TTC7B: variants seen among roughly 807,000 people sequenced by gnomAD.
TTC7B encodes tetratricopeptide repeat protein 7B.
A neutral mutation model predicts 106.8 loss-of-function variants in TTC7B; 28 were observed. The observed-to-expected ratio is 0.26, with a 90% CI of 0.19 to 0.36. The LOEUF is 0.36. TTC7B is among the 10% of genes least tolerant of loss of function. TTC7B has a pLI of 1.00. For synonymous variants in TTC7B, 405 were observed against 430.6 expected (o/e 0.94, Z 0.74); for missense variants, 862 against 1,076.4 (o/e 0.80, Z 2.79).
At chr14:90,708,954 A>G (rs994883267) in intron 5 of TTC7B, among the ~76,000 whole-genome samples, 2 of 151,316 alleles carry the variant, frequency 1.3e-5, no homozygotes, top group African/African-American at 2.4e-5. Flanking sequence ...ATCACTGGCC[A>G]TCAGAGAAAT....
At chr14:90,649,571 C>T (rs1885626370) in intron 13 of TTC7B, among the ~76,000 whole-genome samples, 1 of 152,204 alleles carries the variant, frequency 6.6e-6, no homozygotes, top group African/African-American at 2.4e-5. Context: ...GAACACCTGG[C>T]TAGACTGCTC....
chr14:90,571,398 C>T (rs115935573), intron 19 of TTC7B, among the ~76,000 whole-genome samples: 94 of 152,184 alleles, frequency 6.2e-4, no homozygotes, highest in African/African-American at 2.1e-3. Flanking sequence ...GCAGTTATAG[C>T]GAGGAAAGGC....
At chr14:90,693,855 G>C (rs529008462) in intron 6 of TTC7B, among the ~76,000 whole-genome samples, 3 of 152,074 alleles carry the variant, frequency 2.0e-5, no homozygotes, top group Non-Finnish European at 4.4e-5. Flanking sequence ...CCACTTCTAA[G>C]TATACAGCCA....
intron 19 of TTC7B, among the ~76,000 whole-genome samples, chr14:90,554,470 T>G (rs1813458166): frequency 6.6e-6 from 1 of 152,166 alleles, no homozygotes; most frequent in Non-Finnish European, 1.5e-5. Context: ...CCAAAGCCAT[T>G]TCTAGTTCTT....
intron 10 of TTC7B, chr14:90,658,005 T>C (rs1886020776): frequency 2.6e-6 from 1 of 379,942 alleles, no homozygotes; most frequent in Admixed American, 4.0e-5. Flanking sequence ...AACTCTCAGA[T>C]GAGTGGAGGT....
chr14:90,702,407 A>C (rs914301637), intron 5 of TTC7B, among the ~76,000 whole-genome samples: 2 of 152,228 alleles, frequency 1.3e-5, no homozygotes, highest in African/African-American at 4.8e-5. Context: ...TAAACTAGTC[A>C]GTAACAACTG....
At chr14:90,701,203 G>A (rs1202792410) in intron 5 of TTC7B, among the ~76,000 whole-genome samples, 2 of 152,094 alleles carry the variant, frequency 1.3e-5, no homozygotes, top group South Asian at 2.1e-4. Flanking sequence ...CGAGGCTTCC[G>A]GATGTCTCAC....
chr14:90,813,366 T>G (rs1057371622), intron 1 of TTC7B, among the ~76,000 whole-genome samples: 2 of 152,216 alleles, frequency 1.3e-5, no homozygotes, highest in African/African-American at 4.8e-5. Context: ...TCATAAGGGC[T>G]GAGATTTTTG....
chr14:90,674,057 C>T (rs1886731484), intron 9 of TTC7B, among the ~76,000 whole-genome samples: 2 of 151,826 alleles, frequency 1.3e-5, no homozygotes, highest in South Asian at 4.2e-4. Flanking sequence ...CTGAATTCTA[C>T]ACTTTAAAAT....
chr14:90,579,034 C>T (rs553923488), intron 18 of TTC7B, among the ~76,000 whole-genome samples: 55 of 152,318 alleles, frequency 3.6e-4, no homozygotes, highest in African/African-American at 8.9e-4. Flanking sequence ...GCAGCCCTGG[C>T]CTCCCTGAAG....
intron 3 of TTC7B, among the ~76,000 whole-genome samples, chr14:90,750,413 A>G (rs1430031486): frequency 6.6e-6 from 1 of 152,230 alleles, no homozygotes; most frequent in Non-Finnish European, 1.5e-5. Flanking sequence ...CATGAAAATG[A>G]CCAAGGCTCT....
In TTC7B at chr14:90,570,472, G is replaced by A. The variant is rs564160664; in HGVS notation, c.2310+7634C>T. ...TCCGCCTAGGAACAAATCACCCCAG[G>A]GGCCTCCACCAATGCACTCTCCCAC... On this transcript the variant is annotated intron_variant, in intron 19 of 19. Coordinates refer to ENST00000328459, the MANE Select transcript of TTC7B (RefSeq NM_001010854.2). This position sits in a 1 kb window ranked among gnomAD's most constrained non-coding sequence, Gnocchi z 4.0. Among the ~76,000 whole-genome samples, 1 of 152,096 alleles carries A rather than the reference G, an allele frequency of 6.6e-6. No homozygotes were observed. Among genetic ancestry groups the A allele is most frequent in the Non-Finnish European group, 1.5e-5 (1 of 67,998 alleles).
chr14:90,624,067 T>C lies in TTC7B; in HGVS notation c.1752-6022A>G, dbSNP rs1344977647. Reference sequence around the variant, plus strand: ...ACAAAACAAAACCCATGAGTGTGCCTGTATGCATATGCGTGTGCGTGTATA... The same window carrying C: ...ACAAAACAAAACCCATGAGTGTGCCCGTATGCATATGCGTGTGCGTGTATA... On this transcript the variant is annotated intron_variant, in intron 15 of 19. Transcript: ENST00000328459. The surrounding 1 kb of genome is among the most constrained non-coding windows in gnomAD (Gnocchi z 4.0). Among the ~76,000 whole-genome samples, 1 of 152,138 alleles carries C rather than the reference T, an allele frequency of 6.6e-6. No individual in the cohort carries two copies. Among genetic ancestry groups the C allele is most frequent in the Non-Finnish European group, 1.5e-5 (1 of 68,002 alleles).
intron 9 of TTC7B, among the ~76,000 whole-genome samples, chr14:90,665,935 C>T (rs1886392481): frequency 6.6e-6 from 1 of 152,136 alleles, no homozygotes; most frequent in Non-Finnish European, 1.5e-5. Context: ...CAATAAAAAC[C>T]TCTGTAAGCT....
At chr14:90,552,069 G>A (rs1027404293) in intron 19 of TTC7B, among the ~76,000 whole-genome samples, 4 of 152,224 alleles carry the variant, frequency 2.6e-5, no homozygotes, top group Admixed American at 6.5e-5. Context: ...CTTGGCTAAT[G>A]ACACCAGCCA....
chr14:90,798,440 TA>T (rs1195481912), intron 1 of TTC7B, among the ~76,000 whole-genome samples: 1 of 152,110 alleles, frequency 6.6e-6, no homozygotes, highest in Non-Finnish European at 1.5e-5. Context: ...CTATTGTGTG[TA>T]AAAAACAATA....
intron 4 of TTC7B, among the ~76,000 whole-genome samples, chr14:90,738,583 G>T (rs1033334825): frequency 1.3e-5 from 2 of 151,902 alleles, no homozygotes; most frequent in Non-Finnish European, 2.9e-5. Flanking sequence ...CTCAAGTCTG[G>T]GAGACAAGAG....
At chr14:90,646,866 C>T in intron 14 of TTC7B, 85 bp downstream of exon 14, 1 of 1,238,730 alleles carries the variant, frequency 8.1e-7, no homozygotes. Flanking sequence ...AAAGGAAGAT[C>T]ACCTACCACT....
intron 18 of TTC7B, among the ~76,000 whole-genome samples, chr14:90,580,060 G>A (rs1048920339): frequency 3.3e-5 from 5 of 152,174 alleles, no homozygotes; most frequent in East Asian, 3.9e-4. Flanking sequence ...TGGCTTCCGC[G>A]CCTGCCCAAC....
Sources: allele counts gnomAD v4.1 joint callset (sites outside exome capture counted in the v4.1 genomes callset), GRCh38; gene constraint gnomAD v4.1.1; non-coding constraint Gnocchi (gnomAD v3.1); transcripts MANE v1.5; gene names NCBI Gene and HGNC (gene_info 2026-07-23, HGNC 2026-07-21).